Variants in HPSE2 observed in about 807,000 individuals in gnomAD.
The protein encoded by HPSE2 is inactive heparanase-2.
In HPSE2, 38 loss-of-function variants were observed where a neutral mutation model predicts 60.5. The observed-to-expected ratio is 0.63, with a 90% CI of 0.48 to 0.82. The LOEUF (loss-of-function observed/expected upper bound fraction) is 0.82, where lower values mean the gene tolerates loss of function less well. HPSE2 is among the 40% of genes least tolerant of loss of function. The probability of loss-of-function intolerance (pLI) is 0.00; values close to 1 mark genes in which losing one functional copy is unlikely to be tolerated. For synonymous variants in HPSE2, 295 were observed against 293.2 expected (o/e 1.01, Z -0.06); for missense variants, 713 against 740.4 (o/e 0.96, Z 0.43).
chr10:99,086,651 C>T (rs1008820937), intron 3 of HPSE2, among the ~76,000 whole-genome samples: 6 of 152,178 alleles, frequency 3.9e-5, no homozygotes, highest in Middle Eastern at 3.4e-3. Context: ...CGCGCCCGGC[C>T]GGAAAAGTAC....
At chr10:99,110,657 C>T (rs1346020851) in intron 3 of HPSE2, among the ~76,000 whole-genome samples, 2 of 151,820 alleles carry the variant, frequency 1.3e-5, no homozygotes, top group African/African-American at 4.8e-5. Flanking sequence ...AGAAAAATAC[C>T]ACTTTTATTA....
the HPSE2 span, among the ~76,000 whole-genome samples, chr10:99,297,980 G>A: frequency 1.3e-5 from 2 of 152,168 alleles, no homozygotes; most frequent in South Asian, 4.1e-4. Context: ...AATTCCAAGT[G>A]CTTTCCTGTG....
In HPSE2 at chr10:99,144,409, G is replaced by T. The variant is rs1227196556; in HGVS notation, c.449-10C>A. The T allele has an allele frequency of 1.9e-6, 3 of 1,611,484 alleles. No homozygotes were observed. In the South Asian group the frequency reaches 3.3e-5, roughly 18 times the overall value. ...TCACTTCGAACAATGTCTACAAAAA[G>T]AAAGAAAGAAGGCAGGCAGCAAAAA... On this transcript the variant is annotated splice_polypyrimidine_tract_variant and intron_variant, in intron 2 of 11. Transcript: ENST00000370552.
intron 3 of HPSE2, among the ~76,000 whole-genome samples, chr10:99,069,269 C>T (rs1269816192): frequency 5.9e-5 from 9 of 152,084 alleles, no homozygotes; most frequent in Admixed American, 3.3e-4. Context: ...CTAGAACCAA[C>T]CTGAATCTCA....
intron 7 of HPSE2, among the ~76,000 whole-genome samples, chr10:98,631,364 A>G (rs1420161639): frequency 1.3e-5 from 2 of 152,206 alleles, no homozygotes; most frequent in East Asian, 3.9e-4. Flanking sequence ...GAAAAGTTTC[A>G]CAGAGCCCAA....
At chr10:99,001,230 C>A (rs1195469283) in intron 3 of HPSE2, among the ~76,000 whole-genome samples, 1 of 151,852 alleles carries the variant, frequency 6.6e-6, no homozygotes, top group Non-Finnish European at 1.5e-5. Context: ...CTTATTAAAC[C>A]ACTATGAAGC....
chr10:98,868,255 A>T (rs1052981337), intron 3 of HPSE2, among the ~76,000 whole-genome samples: 1 of 152,032 alleles, frequency 6.6e-6, no homozygotes, highest in South Asian at 2.1e-4. Context: ...AAAGACAAAC[A>T]TCGCATATTC....
chr10:98,801,975 G>A (rs188927885), intron 3 of HPSE2, among the ~76,000 whole-genome samples: 9 of 152,178 alleles, frequency 5.9e-5, no homozygotes, highest in East Asian at 5.8e-4. Flanking sequence ...ATATAGCACC[G>A]TACTGGCTTA....
intron 3 of HPSE2, among the ~76,000 whole-genome samples, chr10:98,886,338 C>A (rs1012845628): frequency 3.9e-5 from 6 of 152,008 alleles, no homozygotes; most frequent in Non-Finnish European, 8.8e-5. Flanking sequence ...AAAAGGCATG[C>A]AAATCTAATC....
intron 9 of HPSE2, among the ~76,000 whole-genome samples, chr10:98,493,192 A>G (rs1941715502): frequency 6.6e-6 from 1 of 152,218 alleles, no homozygotes; most frequent in African/African-American, 2.4e-5. Flanking sequence ...GCATTTGTAT[A>G]CCACATTTGA....
At chr10:98,949,553 T>A (rs1398881792) in intron 3 of HPSE2, among the ~76,000 whole-genome samples, 1 of 152,154 alleles carries the variant, frequency 6.6e-6, no homozygotes, top group Non-Finnish European at 1.5e-5. Context: ...ATCAGGCAAT[T>A]CTTACAACAT....
chr10:99,089,276 T>C (rs185239859), intron 3 of HPSE2, among the ~76,000 whole-genome samples: 61 of 152,320 alleles, frequency 4.0e-4, no homozygotes, highest in African/African-American at 1.3e-3. Context: ...GTTTTTCCGA[T>C]GTTATCTTCT....
chr10:99,066,592 T>C (rs1246752007), intron 3 of HPSE2, among the ~76,000 whole-genome samples: 1 of 152,096 alleles, frequency 6.6e-6, no homozygotes, highest in African/African-American at 2.4e-5. Flanking sequence ...TCAGGGGAAC[T>C]CCCATTTATA....
intron 3 of HPSE2, among the ~76,000 whole-genome samples, chr10:99,018,732 A>G (rs1026350683): frequency 6.6e-6 from 1 of 152,196 alleles, no homozygotes; most frequent in African/African-American, 2.4e-5. Flanking sequence ...CAATACAAAG[A>G]AAAAGTTGCT....
At chr10:99,300,951 T>A in the HPSE2 span, among the ~76,000 whole-genome samples, 4 of 152,142 alleles carry the variant, frequency 2.6e-5, no homozygotes, top group African/African-American at 9.7e-5. Flanking sequence ...CACCCCCATT[T>A]TACCTGTAAA....
rs1279889364 is a variant in HPSE2 at position 98,980,379 on chromosome 10, G to C, written c.610+163859C>G. On this transcript the variant is annotated intron_variant, in intron 3 of 11. Coordinates refer to ENST00000370552, the MANE Select transcript of HPSE2 (RefSeq NM_021828.5). ...TTTCAGACAAATTAAATTTAACAGA[G>C]TGTAATTGAGCAAGGAAAAAAAATC... 3.9e-5 allele frequency among the ~76,000 whole-genome samples: 6 copies of C among 152,078 alleles called. No homozygotes were observed. In the East Asian group the frequency reaches 9.6e-4, roughly 24 times the overall value.
At chr10:98,939,693 G>A (rs1393802947) in intron 3 of HPSE2, among the ~76,000 whole-genome samples, 1 of 143,184 alleles carries the variant, frequency 7.0e-6, no homozygotes, top group Non-Finnish European at 1.5e-5. Flanking sequence ...AGTTAACAAG[G>A]ATACCCAGGA....
rs1427349175 is a variant in HPSE2, at chr10:99,060,356, C to A, written c.610+83882G>T. 3.9e-5 allele frequency among the ~76,000 whole-genome samples: 6 copies of A among 152,052 alleles called. No homozygotes were observed. In the South Asian group the frequency reaches 8.3e-4, roughly 21 times the overall value. On this transcript the variant is annotated intron_variant, in intron 3 of 11. Transcript: ENST00000370552. ...TAACAACTATCTACCCAAAAAAACACCTTCATAAAAAACAAAAATAGGCTG... is the reference window on the plus strand; with the variant it reads ...TAACAACTATCTACCCAAAAAAACAACTTCATAAAAAACAAAAATAGGCTG...
chr10:99,223,294 C>T (rs1012212861), intron 2 of HPSE2, among the ~76,000 whole-genome samples: 1 of 152,094 alleles, frequency 6.6e-6, no homozygotes, highest in Admixed American at 6.6e-5. Context: ...TAAAACAGTA[C>T]CTGGCACATA....
Sources: allele counts gnomAD v4.1 joint callset (sites outside exome capture counted in the v4.1 genomes callset), GRCh38; gene constraint gnomAD v4.1.1; transcripts MANE v1.5; gene names NCBI Gene and HGNC (gene_info 2026-07-23, HGNC 2026-07-21).